The following RAP2A variants were observed in gnomAD, a reference collection of about 807,000 sequenced individuals.
RAP2A encodes the protein ras-related protein Rap-2a.
Under a neutral mutation model 15.1 loss-of-function variants are expected in RAP2A, and 5 were observed. That is an observed-to-expected ratio of 0.33 (90% CI 0.17 to 0.70). The LOEUF (loss-of-function observed/expected upper bound fraction) is 0.70. Ranked by LOEUF, RAP2A falls within the 30% of genes least tolerant of loss-of-function variation. RAP2A has a pLI of 0.68. For synonymous variants in RAP2A, 110 were observed against 99.7 expected (o/e 1.10, Z -0.62); for missense variants, 111 against 240.3 (o/e 0.46, Z 3.56).
chr13:97,460,207 T>A (rs2066740514), intron 1 of RAP2A, among the ~76,000 whole-genome samples: 1 of 152,156 alleles, frequency 6.6e-6, no homozygotes, highest in Non-Finnish European at 1.5e-5. Flanking sequence ...CTCATAAGAT[T>A]TCCCCCAACA....
chr13:97,454,778 TTTAG>T (rs2153179999), intron 1 of RAP2A, among the ~76,000 whole-genome samples: 1 of 151,666 alleles, frequency 6.6e-6, no homozygotes, highest in African/African-American at 2.4e-5. Context: ...AGGAATTTTC[TTTAG>T]TATTTCTTTT....
chr13:97,434,535 A>T lies in RAP2A; in HGVS notation c.65A>T (p.Gln22Leu). The change falls in exon 1 of 2, where the codon CAG becomes CTG. Residue 22 changes from glutamine (Q) to leucine (L), a missense_variant. By Grantham distance (113) the Gln-to-Leu change is moderately radical (BLOSUM62 -2). This residue lies in a region of RAP2A where 20 missense variants were observed against 28.2 expected (regional missense o/e 0.71). Coordinates refer to ENST00000245304, the MANE Select transcript of RAP2A (RefSeq NM_021033.7). ...GTAGGCAAATCCGCCCTGACCGTGC[A>T]GTTCGTGACCGGCACCTTCATCGAG... ...GGVGKSALTV[Q>L]FVTGTFIEKY... The T allele has an allele frequency of 1.2e-6, 2 of 1,613,958 alleles. No individual in the cohort carries two copies. Among genetic ancestry groups the T allele is most frequent in the Non-Finnish European group, 1.7e-6 (2 of 1,179,976 alleles).
chr13:97,445,568 G>A (rs2066676027), intron 1 of RAP2A, among the ~76,000 whole-genome samples: 1 of 152,206 alleles, frequency 6.6e-6, no homozygotes, highest in African/African-American at 2.4e-5. Context: ...GAACTATAAT[G>A]TTTGCATAAA....
At chr13:97,435,981 G>C (rs1566470465) in intron 1 of RAP2A, 2 of 152,150 alleles carry the variant, frequency 1.3e-5, no homozygotes, top group East Asian at 3.8e-4. Flanking sequence ...GTACCCAGGG[G>C]ATGATCAAAA....
intron 1 of RAP2A, among the ~76,000 whole-genome samples, chr13:97,442,532 T>G (rs1201855402): frequency 6.6e-6 from 1 of 152,170 alleles, no homozygotes; most frequent in Non-Finnish European, 1.5e-5. Flanking sequence ...ATATTGTGAC[T>G]TAGTGCACAC....
rs2066725931 is a variant in RAP2A, at chr13:97,457,042, A to G, written c.315-7163A>G. ...AACACTTTATCAAAACTCCCATAAC[A>G]CTTTATTAAAAGATTAAAAATGTAA... On this transcript the variant is annotated intron_variant, in intron 1 of 1. Transcript: ENST00000245304. 2.0e-5 allele frequency among the ~76,000 whole-genome samples: 3 copies of G among 152,178 alleles called. No individual in the cohort carries two copies. The South Asian group carries it at 6.2e-4, about 32-fold the overall frequency.
rs981868726 is a variant in RAP2A, at chr13:97,466,947, C to A, written c.*2505C>A. On this transcript the variant is annotated 3_prime_UTR_variant, in exon 2 of 2. Coordinates refer to ENST00000245304, the MANE Select transcript of RAP2A (RefSeq NM_021033.7). ...GTTGAGATATTACAGTAATAAAACA[C>A]TTAAGAACAGGAAGATTACATTTGT... The A allele has an allele frequency of 3.3e-5, 5 of 152,356 alleles. No individual in the cohort carries two copies. In the East Asian group the frequency reaches 9.6e-4, roughly 29 times the overall value. The allele number at this position is 152,356 out of a possible 1,614,324, so 9.4% of individuals were successfully genotyped here. A position where few individuals can be genotyped will look rare whatever the true frequency, so the allele number is the denominator to read the frequency against.
intron 1 of RAP2A, among the ~76,000 whole-genome samples, chr13:97,445,853 T>C (rs916435413): frequency 1.3e-5 from 2 of 152,168 alleles, no homozygotes; most frequent in Admixed American, 6.5e-5. Context: ...CCCAGAGGTA[T>C]ATACATTTTA....
At chr13:97,450,525 C>T (rs1041972744) in intron 1 of RAP2A, among the ~76,000 whole-genome samples, 6 of 152,034 alleles carry the variant, frequency 3.9e-5, no homozygotes, top group African/African-American at 1.2e-4. Context: ...TGTAAAAAAG[C>T]ATGCTTTGTT....
chr13:97,438,610 C>G (rs1360726715), intron 1 of RAP2A, among the ~76,000 whole-genome samples: 1 of 152,086 alleles, frequency 6.6e-6, no homozygotes, highest in East Asian at 1.9e-4. Context: ...AAAGATTTTT[C>G]CCCACTGAGG....
At chr13:97,458,810 GTTCTT>G (rs1251515796) in intron 1 of RAP2A, among the ~76,000 whole-genome samples, 1 of 151,716 alleles carries the variant, frequency 6.6e-6, no homozygotes, top group African/African-American at 2.4e-5. Flanking sequence ...AACACATCAA[GTTCTT>G]TTGAGTTACT....
Position 97,434,557 on chromosome 13 carries a change from C to G in RAP2A, c.87C>G (p.Ile29Met), listed in dbSNP as rs2066624566. 6.2e-7 allele frequency: 1 copy of G among 1,614,038 alleles called. No individual in the cohort carries two copies. The highest frequency in any genetic ancestry group is 2.2e-5 in the East Asian group (1 of 44,852). The change falls in exon 1 of 2, where the codon ATC (isoleucine) becomes ATG (methionine). Residue 29 changes from isoleucine (I) to methionine (M), a missense_variant. By Grantham distance (10) the Ile-to-Met change is conservative. Around this residue, in one of 3 missense-constraint regions of RAP2A, gnomAD observed 17 missense variants for 79.7 expected, o/e 0.21. Transcript: ENST00000245304. ...LTVQFVTGTF[I>M]EKYDPTIEDF... is the part of the protein sequence containing the mutation. ...TGCAGTTCGTGACCGGCACCTTCATCGAGAAATACGACCCCACCATCGAGG... is the reference window on the plus strand; with the variant it reads ...TGCAGTTCGTGACCGGCACCTTCATGGAGAAATACGACCCCACCATCGAGG...
rs748513272 is a variant in RAP2A at position 97,434,551 on chromosome 13, C to T, written c.81C>T (p.Thr27=). The stretch of plus-strand genomic sequence containing the variant: ...TGACCGTGCAGTTCGTGACCGGCAC[C>T]TTCATCGAGAAATACGACCCCACCA... ...SALTVQFVTG[T]FIEKYDPTIE... Residue 27 remains threonine, a synonymous_variant, in exon 1 of 2, where the codon ACC becomes ACT. Transcript: ENST00000245304. The T allele has an allele frequency of 4.3e-6, 7 of 1,614,064 alleles. No homozygotes were observed. Among genetic ancestry groups the T allele is most frequent in the Non-Finnish European group, 5.1e-6 (6 of 1,179,990 alleles).
chr13:97,459,863 T>C (rs1178673255), intron 1 of RAP2A, among the ~76,000 whole-genome samples: 1 of 152,220 alleles, frequency 6.6e-6, no homozygotes, highest in Non-Finnish European at 1.5e-5. Flanking sequence ...AGAGCTTTAT[T>C]TGCTTTGTCC....
chr13:97,461,025 G>A (rs929133023), intron 1 of RAP2A, among the ~76,000 whole-genome samples: 2 of 152,088 alleles, frequency 1.3e-5, no homozygotes, highest in African/African-American at 2.4e-5. Context: ...GAGTTAGGAG[G>A]GGAAAGAAGC....
chr13:97,439,363 C>T (rs1205836416), intron 1 of RAP2A, among the ~76,000 whole-genome samples: 1 of 152,042 alleles, frequency 6.6e-6, no homozygotes. Flanking sequence ...CCAGTTTTTA[C>T]GTGAAGTGTG....
At chr13:97,455,312 A>G (rs1238289578) in intron 1 of RAP2A, among the ~76,000 whole-genome samples, 1 of 151,534 alleles carries the variant, frequency 6.6e-6, no homozygotes, top group East Asian at 1.9e-4. Context: ...TGTTTACCTC[A>G]TAGAGCATGG....
intron 1 of RAP2A, among the ~76,000 whole-genome samples, chr13:97,443,346 TTTCTC>T (rs533313820): frequency 1.7e-4 from 26 of 152,226 alleles, no homozygotes; most frequent in Non-Finnish European, 3.7e-4. Flanking sequence ...ATATTAGTAT[TTTCTC>T]TACTAAGTAT....
intron 1 of RAP2A, among the ~76,000 whole-genome samples, chr13:97,457,182 A>T (rs115701849): frequency 0.01 from 1,596 of 152,154 alleles, 31 homozygotes; most frequent in African/African-American, 0.036. Context: ...TGATGAACTA[A>T]GCTAGGAATA....
Sources: allele counts gnomAD v4.1 joint callset (sites outside exome capture counted in the v4.1 genomes callset), GRCh38; gene constraint gnomAD v4.1.1; regional missense constraint gnomAD v4.1.1; transcripts MANE v1.5; gene names NCBI Gene and HGNC (gene_info 2026-07-23, HGNC 2026-07-21).